Variants in SLC9A9 observed in about 807,000 individuals in gnomAD.
SLC9A9 encodes sodium/hydrogen exchanger 9.
Under a neutral mutation model 77.8 loss-of-function variants are expected in SLC9A9, and 62 were observed. The observed-to-expected ratio is 0.80, with a 90% CI of 0.65 to 0.98. The LOEUF is 0.98. SLC9A9 is among the 50% of genes least tolerant of loss of function. The pLI, the probability that SLC9A9 is intolerant of heterozygous loss-of-function variation, is 0.00. For synonymous variants in SLC9A9, 320 were observed against 283.5 expected (o/e 1.13, Z -1.29); for missense variants, 775 against 774.9 (o/e 1.00, Z 0.00).
At chr3:143,703,714 G>T (rs1933871280) in intron 4 of SLC9A9, among the ~76,000 whole-genome samples, 1 of 151,920 alleles carries the variant, frequency 6.6e-6, no homozygotes, top group Admixed American at 6.6e-5. Context: ...AAATAATAAA[G>T]ATCAGAGCAG....
In SLC9A9 at chr3:143,285,566, C is replaced by T. The variant is rs116296670; in HGVS notation, c.1605-16586G>A. On this transcript the variant is annotated intron_variant, in intron 14 of 15. Coordinates refer to ENST00000316549, the MANE Select transcript of SLC9A9 (RefSeq NM_173653.4). ...GAGCTCAGTGCAGCATGATCCCTTC[C>T]CTAGGCTTGAAAAGAGTTTACAGAG... Among the ~76,000 whole-genome samples the T allele has an allele frequency of 7.1e-3, 1,074 of 152,220 alleles. 13 individuals are homozygous for T. Among genetic ancestry groups the T allele is most frequent in the African/African-American group, 0.025 (1,032 of 41,528 alleles).
chr3:143,291,982 C>T (rs983496340), intron 14 of SLC9A9, among the ~76,000 whole-genome samples: 4 of 152,160 alleles, frequency 2.6e-5, no homozygotes, highest in African/African-American at 4.8e-5. Context: ...GGGATGGGCC[C>T]GAGAGGAATC....
At chr3:143,409,646 C>T (rs186398016) in intron 12 of SLC9A9, among the ~76,000 whole-genome samples, 25 of 152,294 alleles carry the variant, frequency 1.6e-4, no homozygotes, top group Non-Finnish European at 2.2e-4. Context: ...AGGATAGAAG[C>T]GATTCTTTCC....
At chr3:143,710,283 C>T (rs1405494243) in intron 4 of SLC9A9, among the ~76,000 whole-genome samples, 1 of 152,158 alleles carries the variant, frequency 6.6e-6, no homozygotes, top group Non-Finnish European at 1.5e-5. Context: ...CAGGCAAAAG[C>T]AGCAAGAGGG....
At chr3:143,706,591 A>C (rs1933985340) in intron 4 of SLC9A9, among the ~76,000 whole-genome samples, 1 of 152,140 alleles carries the variant, frequency 6.6e-6, no homozygotes, top group South Asian at 2.1e-4. Context: ...GTGACAGGTG[A>C]GTCCCCGTCC....
chr3:143,348,777 G>A (rs1004396100), intron 14 of SLC9A9, among the ~76,000 whole-genome samples: 5 of 152,184 alleles, frequency 3.3e-5, no homozygotes, highest in African/African-American at 1.2e-4. Context: ...GGGTTGTCAA[G>A]GTCTTAGGAG....
At chr3:143,287,460 G>T (rs1280148278) in intron 14 of SLC9A9, among the ~76,000 whole-genome samples, 1 of 152,054 alleles carries the variant, frequency 6.6e-6, no homozygotes, top group African/African-American at 2.4e-5. Flanking sequence ...CCATTCCACT[G>T]CTTGCCTTTG....
At chr3:143,779,061 G>A (rs374768165) in intron 4 of SLC9A9, among the ~76,000 whole-genome samples, 46 of 152,224 alleles carry the variant, frequency 3.0e-4, no homozygotes, top group South Asian at 8.3e-4. Context: ...ATCTTGCTCC[G>A]GGATGTCTTA....
chr3:143,761,510 A>T (rs916422357), intron 4 of SLC9A9, among the ~76,000 whole-genome samples: 16 of 152,132 alleles, frequency 1.1e-4, no homozygotes, highest in African/African-American at 3.6e-4. Flanking sequence ...AAAACAAACA[A>T]CCCCATCAAA....
intron 6 of SLC9A9, among the ~76,000 whole-genome samples, chr3:143,586,791 C>A (rs372216090): frequency 1.3e-5 from 2 of 152,288 alleles, no homozygotes; most frequent in South Asian, 4.1e-4. Context: ...ATAATGACTT[C>A]AGAAATTGGG....
Position 143,661,104 on chromosome 3 carries a change from G to A in SLC9A9, c.650-8744C>T, listed in dbSNP as rs79628075. 1.2e-3 allele frequency among the ~76,000 whole-genome samples: 185 copies of A among 152,308 alleles called. 1 individual carries two copies. The East Asian group carries it at 0.017, about 14-fold the overall frequency. ...GCAATCACGGTGAAGAATTGGTGAT[G>A]AGATGGGAATGGTGAAGTCCAAACT... On this transcript the variant is annotated intron_variant, in intron 5 of 15. Coordinates refer to ENST00000316549, the MANE Select transcript of SLC9A9 (RefSeq NM_173653.4).
chr3:143,440,814 A>G (rs1171718167), intron 12 of SLC9A9, among the ~76,000 whole-genome samples: 1 of 152,232 alleles, frequency 6.6e-6, no homozygotes, highest in Non-Finnish European at 1.5e-5. Flanking sequence ...AAATATATTC[A>G]TGGACAAGAG....
chr3:143,672,258 C>T (rs1310613157), intron 5 of SLC9A9, among the ~76,000 whole-genome samples: 3 of 151,678 alleles, frequency 2.0e-5, no homozygotes, highest in East Asian at 3.9e-4. Flanking sequence ...ATTGATAACA[C>T]CAGTGATGAG....
chr3:143,572,124 C>T (rs1480087488), intron 8 of SLC9A9, among the ~76,000 whole-genome samples: 1 of 152,052 alleles, frequency 6.6e-6, no homozygotes, highest in African/African-American at 2.4e-5. Flanking sequence ...TGTATGGCAG[C>T]TCAGTAAGGA....
chr3:143,559,556 CTTTG>C (rs1480878792), intron 8 of SLC9A9, among the ~76,000 whole-genome samples: 1 of 151,190 alleles, frequency 6.6e-6, no homozygotes, highest in Non-Finnish European at 1.5e-5. Context: ...TCAATTCAGT[CTTTG>C]TTTTTTTTTT....
intron 11 of SLC9A9, among the ~76,000 whole-genome samples, chr3:143,491,152 C>T (rs981631167): frequency 1.1e-4 from 17 of 152,244 alleles, no homozygotes; most frequent in African/African-American, 4.1e-4. Context: ...ATGGAAAACA[C>T]TGGGTCGCAT....
At chr3:143,409,694 A>G (rs935700233) in intron 12 of SLC9A9, among the ~76,000 whole-genome samples, 3 of 152,218 alleles carry the variant, frequency 2.0e-5, no homozygotes, top group African/African-American at 7.2e-5. Context: ...CCAAGTGAAT[A>G]TTATTATTGA....
intron 14 of SLC9A9, among the ~76,000 whole-genome samples, chr3:143,305,553 G>T (rs778784354): frequency 6.6e-6 from 1 of 152,178 alleles, no homozygotes; most frequent in Admixed American, 6.5e-5. Flanking sequence ...CAACCACTGG[G>T]GTTTCAACGT....
At chr3:143,764,339 A>G (rs945084513) in intron 4 of SLC9A9, among the ~76,000 whole-genome samples, 5 of 152,320 alleles carry the variant, frequency 3.3e-5, no homozygotes, top group Admixed American at 6.5e-5. Flanking sequence ...AGAAATTTCA[A>G]TGATAGCGTA....
Sources: allele counts gnomAD v4.1 joint callset (sites outside exome capture counted in the v4.1 genomes callset), GRCh38; gene constraint gnomAD v4.1.1; transcripts MANE v1.5; gene names NCBI Gene and HGNC (gene_info 2026-07-23, HGNC 2026-07-21).